Variants in HNF4G observed in about 807,000 individuals in gnomAD.
HNF4G encodes hepatocyte nuclear factor 4 gamma.
A neutral mutation model predicts 50.9 loss-of-function variants in HNF4G; 21 were observed. The observed-to-expected ratio is 0.41, with a 90% CI of 0.29 to 0.59. The LOEUF (loss-of-function observed/expected upper bound fraction) is 0.59. Ranked by LOEUF, HNF4G falls within the 20% of genes least tolerant of loss-of-function variation. The probability of loss-of-function intolerance (pLI) is 0.26; values close to 1 mark genes in which losing one functional copy is unlikely to be tolerated. For synonymous variants in HNF4G, 198 were observed against 185.6 expected (o/e 1.07, Z -0.54); for missense variants, 527 against 559.4 (o/e 0.94, Z 0.58).
intron 1 of HNF4G, among the ~76,000 whole-genome samples, chr8:75,449,494 T>C (rs1341286103): frequency 1.4e-5 from 2 of 142,670 alleles, no homozygotes; most frequent in Non-Finnish European, 1.5e-5. Context: ...CTCAGTAATA[T>C]ATATATATTT....
intron 1 of HNF4G, among the ~76,000 whole-genome samples, chr8:75,431,973 C>T (rs552882705): frequency 7.2e-4 from 110 of 151,900 alleles, no homozygotes; most frequent in African/African-American, 2.4e-3. Flanking sequence ...AGTGCAGTGG[C>T]TTACACCTGT....
chr8:75,484,619 T>C (rs1186434642), intron 1 of HNF4G, among the ~76,000 whole-genome samples: 1 of 152,244 alleles, frequency 6.6e-6, no homozygotes, highest in East Asian at 1.9e-4. Context: ...TTTTCCTTCA[T>C]GGTATATATT....
At chr8:75,510,965 AT>A (rs1805735122) in intron 2 of HNF4G, among the ~76,000 whole-genome samples, 1 of 152,076 alleles carries the variant, frequency 6.6e-6, no homozygotes, top group South Asian at 2.1e-4. Context: ...TTATCTTTTT[AT>A]TTTGGTATCT....
chr8:75,464,958 T>A (rs1339841839), intron 1 of HNF4G, among the ~76,000 whole-genome samples: 1 of 152,174 alleles, frequency 6.6e-6, no homozygotes, highest in Non-Finnish European at 1.5e-5. Context: ...TAAAGGGTGG[T>A]AAACCTTGTT....
intron 1 of HNF4G, among the ~76,000 whole-genome samples, chr8:75,440,904 C>G (rs1427102020): frequency 6.6e-6 from 1 of 152,054 alleles, no homozygotes; most frequent in Non-Finnish European, 1.5e-5. Context: ...ATTGCCCAGG[C>G]TGGAGTGCAT....
intron 8 of HNF4G, among the ~76,000 whole-genome samples, chr8:75,559,489 G>A (rs1364552989): frequency 6.6e-6 from 1 of 151,982 alleles, no homozygotes; most frequent in Non-Finnish European, 1.5e-5. Context: ...GATTAGGATG[G>A]TCTTGATTTC....
chr8:75,542,092 A>T (rs1182290692), intron 1 of HNF4G, among the ~76,000 whole-genome samples: 2 of 152,126 alleles, frequency 1.3e-5, no homozygotes, highest in Middle Eastern at 3.4e-3. Flanking sequence ...CTTGAGCCCA[A>T]GAGTTTAAGA....
At chr8:75,514,679 T>C (rs901821066) in intron 2 of HNF4G, among the ~76,000 whole-genome samples, 3 of 152,240 alleles carry the variant, frequency 2.0e-5, no homozygotes, top group South Asian at 4.1e-4. Context: ...TTTTGTACAA[T>C]AGGTTTTCAT....
chr8:75,500,971 C>G (rs2977960), intron 2 of HNF4G, among the ~76,000 whole-genome samples: 41,998 of 151,626 alleles, frequency 0.28, 7,155 homozygotes, highest in African/African-American at 0.48. Flanking sequence ...ACACTTAAAG[C>G]TACTAAATTA....
At chr8:75,444,656 C>T (rs1811376728) in intron 1 of HNF4G, among the ~76,000 whole-genome samples, 1 of 120,692 alleles carries the variant, frequency 8.3e-6, no homozygotes, top group Admixed American at 8.2e-5. Flanking sequence ...AGACTTTAAA[C>T]CAACAAAGAT....
chr8:75,469,942 CCCCTGTTTAAAGG>C (rs1563518937), intron 1 of HNF4G, among the ~76,000 whole-genome samples: 1 of 152,082 alleles, frequency 6.6e-6, no homozygotes, highest in Non-Finnish European at 1.5e-5. Flanking sequence ...CTGAGAGTGT[CCCCTGTTTAAAGG>C]GCTCACTCAA....
At chr8:75,494,299 A>AACACACAC (rs1812706318) in intron 2 of HNF4G, among the ~76,000 whole-genome samples, 28 of 137,038 alleles carry the variant, frequency 2.0e-4, no homozygotes, top group African/African-American at 7.0e-4. Flanking sequence ...TCTCCCATAC[A>AACACACAC]GCACACACAC....
At chr8:75,485,052 A>G (rs1214720369) in intron 1 of HNF4G, among the ~76,000 whole-genome samples, 1 of 152,226 alleles carries the variant, frequency 6.6e-6, no homozygotes, top group African/African-American at 2.4e-5. Flanking sequence ...CTATATTTAA[A>G]TGGTCAACTT....
At chr8:75,442,098 A>G (rs1811299996) in intron 1 of HNF4G, among the ~76,000 whole-genome samples, 1 of 152,226 alleles carries the variant, frequency 6.6e-6, no homozygotes, top group Non-Finnish European at 1.5e-5. Context: ...AAAGATTCAA[A>G]AGAGAAACAA....
chr8:75,421,023 G>A (rs560033862), intron 1 of HNF4G, among the ~76,000 whole-genome samples: 1 of 152,252 alleles, frequency 6.6e-6, no homozygotes, highest in East Asian at 1.9e-4. Flanking sequence ...TTCTCTTATA[G>A]CCACATCGCA....
In HNF4G at chr8:75,558,586, G is replaced by A. The variant is rs1229011290; in HGVS notation, c.802G>A (p.Asp268Asn). ...EISRVANRVL[D>N]ELVRPFQEIQ... The stretch of plus-strand genomic sequence containing the variant: ...TAGCCGTGTGGCCAATCGTGTTCTA[G>A]ATGAGCTGGTTAGACCATTTCAAGA... The change falls in exon 7 of 10, where the codon GAT (aspartate) becomes AAT (asparagine). Residue 268 changes from aspartate to asparagine, a missense_variant. By Grantham distance (23) the Asp-to-Asn change is conservative (BLOSUM62 1). Coordinates refer to ENST00000396423, the MANE Select transcript of HNF4G (RefSeq NM_004133.5). The A allele has an allele frequency of 6.2e-7, 1 of 1,613,932 alleles. No homozygotes were observed. The highest frequency in any genetic ancestry group is 1.1e-5 in the South Asian group (1 of 91,074).
At chr8:75,540,584 G>A (rs1004622976) in intron 1 of HNF4G, among the ~76,000 whole-genome samples, 1 of 151,978 alleles carries the variant, frequency 6.6e-6, no homozygotes, top group Non-Finnish European at 1.5e-5. Context: ...TGCATTGAAC[G>A]CAAATATGAA....
In HNF4G at chr8:75,518,042, G is replaced by A. The variant is rs182953389; in HGVS notation, c.-23-25769G>A. The stretch of plus-strand genomic sequence containing the variant: ...TAGGGTACATGTGCACAATGTGCAG[G>A]TTTGTTACATATGTATACTTATGCC... On this transcript the variant is annotated intron_variant, in intron 2 of 10. Coordinates refer to the HNF4G transcript ENST00000354370. 2.2e-3 allele frequency among the ~76,000 whole-genome samples: 328 copies of A among 151,414 alleles called. 2 individuals are homozygous for A. The highest frequency in any genetic ancestry group is 7.6e-3 in the African/African-American group (313 of 41,176).
chr8:75,516,738 G>A (rs1331229893), intron 2 of HNF4G, among the ~76,000 whole-genome samples: 4 of 152,092 alleles, frequency 2.6e-5, no homozygotes, highest in Non-Finnish European at 5.9e-5. Flanking sequence ...TAGCTCTTTT[G>A]TTAAGTCCAT....
Sources: allele counts gnomAD v4.1 joint callset (sites outside exome capture counted in the v4.1 genomes callset), GRCh38; gene constraint gnomAD v4.1.1; transcripts MANE v1.5; gene names NCBI Gene and HGNC (gene_info 2026-07-23, HGNC 2026-07-21).